Variants in SLC22A5 observed in about 807,000 individuals in gnomAD.
The protein encoded by SLC22A5 is organic cation/carnitine transporter 2.
SLC22A5 carries 44 observed loss-of-function variants against 56.7 expected under a neutral mutation model. That is an observed-to-expected ratio of 0.78 (90% CI 0.61 to 1.00). The LOEUF (loss-of-function observed/expected upper bound fraction) is 1.00. SLC22A5 is among the 50% of genes least tolerant of loss of function. SLC22A5 has a pLI of 0.00. For synonymous variants in SLC22A5, 278 were observed against 292.1 expected (o/e 0.95, Z 0.49); for missense variants, 675 against 723.0 (o/e 0.93, Z 0.76).
At position 132,385,459 on chromosome 5, in the gene SLC22A5, G is replaced by A; in HGVS notation, c.784G>A (p.Ala262Thr). The change falls in exon 4 of 10, where the codon GCG (alanine) becomes ACG (threonine). Residue 262 changes from alanine (A) to threonine (T), a missense_variant. Coordinates refer to ENST00000245407, the MANE Select transcript of SLC22A5 (RefSeq NM_003060.4). ...FIRDWRMLLVALTMPGVLCVA... is the reference protein window; with the variant it reads ...FIRDWRMLLVTLTMPGVLCVA... ...CCGAGACTGGCGGATGCTGCTGGTG[G>A]CGCTGACGATGCCGGGGGTGCTATG... 2 of 1,614,178 alleles carry A rather than the reference G, an allele frequency of 1.2e-6. No individual in the cohort carries two copies. The highest frequency in any genetic ancestry group is 1.7e-6 in the Non-Finnish European group (2 of 1,180,030).
intron 1 of SLC22A5, chr5:132,377,195 C>T (rs979471872): frequency 6.6e-6 from 1 of 152,322 alleles, no homozygotes; most frequent in African/African-American, 2.4e-5. Context: ...GAGAGGTGCC[C>T]GGAGGCTGTG....
chr5:132,386,391 C>T (rs1333749857), intron 4 of SLC22A5, among the ~76,000 whole-genome samples: 1 of 152,048 alleles, frequency 6.6e-6, no homozygotes, highest in East Asian at 1.9e-4. Flanking sequence ...CCACACTTGG[C>T]TAATTTTTTT....
At position 132,390,563 on chromosome 5, in the gene SLC22A5, T is replaced by G. The variant is rs535912319; in HGVS notation, c.1053-127T>G. ...AAGTAAGACGCAGGGTTACAGTTAC[T>G]GCTGCCTTACTAGTCTCTGCTTAAA... is the stretch of plus-strand genomic sequence containing the variant. On this transcript the variant is annotated intron_variant, in intron 6 of 9. Transcript: ENST00000245407. 2.0e-4 allele frequency: 155 copies of G among 768,236 alleles called. 5 individuals carry two copies. The South Asian group carries it at 2.1e-3, about 10-fold the overall frequency. 47.6% of individuals were successfully genotyped at this position (768,236 alleles called of 1,614,324 possible).
chr5:132,387,212 A>C (rs1752563493), intron 5 of SLC22A5, 61 bp downstream of exon 5: 1 of 1,606,294 alleles, frequency 6.2e-7, no homozygotes, highest in South Asian at 1.1e-5. Flanking sequence ...GAGCAGCAGC[A>C]CCCAGCCCTG....
Position 132,393,947 on chromosome 5 carries a change from A to G in SLC22A5, c.1586+136A>G, listed in dbSNP as rs562051092. 4.6e-4 allele frequency: 506 copies of G among 1,093,002 alleles called. 6 individuals are homozygous for G. The South Asian group carries it at 6.2e-3, about 13-fold the overall frequency. 67.7% of individuals were successfully genotyped at this position (1,093,002 alleles called of 1,614,324 possible). A position where few individuals can be genotyped will look rare whatever the true frequency, so the allele number is the denominator to read the frequency against. ...ACTAGTTTAGCCATTAAAGGGTTGT[A>G]AATGGCAAGGTGCTTACTTATAGCC... is the stretch of plus-strand genomic sequence containing the variant. On this transcript the variant is annotated intron_variant, in intron 9 of 9. Transcript: ENST00000245407.
chr5:132,386,464 C>G (rs1202621725), intron 4 of SLC22A5, among the ~76,000 whole-genome samples: 1 of 152,130 alleles, frequency 6.6e-6, no homozygotes, highest in Admixed American at 6.5e-5. Flanking sequence ...CTCCTAGCCT[C>G]AAATGATCCA....
chr5:132,382,501 A>G (rs915357842), intron 2 of SLC22A5: 8 of 152,156 alleles, frequency 5.3e-5, no homozygotes, highest in African/African-American at 1.9e-4. Flanking sequence ...TATAGGATTA[A>G]TGTTGGTCTT....
At chr5:132,381,970 G>A (rs1752361973) in intron 2 of SLC22A5, 1 of 152,176 alleles carries the variant, frequency 6.6e-6, no homozygotes, top group Middle Eastern at 3.4e-3. Flanking sequence ...TTGGCATATA[G>A]AACATGCTTG....
intron 1 of SLC22A5, among the ~76,000 whole-genome samples, chr5:132,375,404 G>A (rs1163092039): frequency 6.6e-6 from 1 of 152,222 alleles, no homozygotes; most frequent in South Asian, 2.1e-4. Flanking sequence ...GTACCTAGCA[G>A]CATGTCTGAC....
At chr5:132,378,185 G>C (rs770872734) in intron 1 of SLC22A5, 193 bp from the exon 2 acceptor site, 16 of 1,599,884 alleles carry the variant, frequency 1.0e-5, no homozygotes, top group Non-Finnish European at 1.4e-5. Flanking sequence ...GGCCTACAAT[G>C]CTATGAAAAA....
At chr5:132,387,988 T>C (rs1226402839) in intron 5 of SLC22A5, 1 of 152,958 alleles carries the variant, frequency 6.5e-6, no homozygotes, top group East Asian at 1.9e-4. Flanking sequence ...GAGGCAGGCA[T>C]GGTTGGGCTT....
At chr5:132,387,230 C>T in intron 5 of SLC22A5, 79 bp downstream of exon 5, 1 of 1,558,722 alleles carries the variant, frequency 6.4e-7, no homozygotes, top group Non-Finnish European at 8.8e-7. Context: ...CTGAAGTCCT[C>T]CCTGCTCACA....
At chr5:132,392,868 C>T (rs111384705) in intron 8 of SLC22A5, among the ~76,000 whole-genome samples, 2 of 152,256 alleles carry the variant, frequency 1.3e-5, no homozygotes, top group African/African-American at 4.8e-5. Context: ...TTTAGCCATC[C>T]CAGGCCTTCC....
chr5:132,394,747 G>A lies in SLC22A5; in HGVS notation c.*475G>A, dbSNP rs1479057618. The A allele has an allele frequency of 5.6e-6, 1 of 178,828 alleles. No individual in the cohort carries two copies. The highest frequency in any genetic ancestry group is 1.2e-5 in the Non-Finnish European group (1 of 83,750). 11.1% of individuals were successfully genotyped at this position (178,828 alleles called of 1,614,324 possible). On this transcript the variant is annotated 3_prime_UTR_variant, in exon 10 of 10. Coordinates refer to ENST00000245407, the MANE Select transcript of SLC22A5 (RefSeq NM_003060.4). ...GGAGTTTGATTCTTACCTTTTCTCA[G>A]TTACAGAGGACATTAACTGGATCAT...
intron 7 of SLC22A5, among the ~76,000 whole-genome samples, 165 bp from the exon 8 acceptor site, chr5:132,392,268 A>G (rs1209734779): frequency 1.3e-5 from 2 of 152,218 alleles, no homozygotes; most frequent in East Asian, 3.8e-4. Context: ...CCTTTCAGCA[A>G]TCAATTTGGA....
At chr5:132,388,454 T>C (rs1379585035) in intron 5 of SLC22A5, among the ~76,000 whole-genome samples, 1 of 152,178 alleles carries the variant, frequency 6.6e-6, no homozygotes, top group Non-Finnish European at 1.5e-5. Flanking sequence ...GAATTCTTTT[T>C]CCCTGGAAGC....
chr5:132,393,915 A>G (rs1265464503), intron 9 of SLC22A5, 104 bp downstream of exon 9: 8 of 1,332,962 alleles, frequency 6.0e-6, no homozygotes, highest in Non-Finnish European at 8.6e-6. Flanking sequence ...TCTCACAGAC[A>G]CCATGGACTA....
In SLC22A5 at chr5:132,384,224, A is replaced by G. The variant is rs1189776349; in HGVS notation, c.575A>G (p.Asn192Ser). The G allele has an allele frequency of 1.2e-6, 2 of 1,614,180 alleles. No homozygotes were observed. The highest frequency in any genetic ancestry group is 1.7e-6 in the Non-Finnish European group (2 of 1,179,996). The change falls in exon 3 of 10, where the codon AAT becomes AGT. Residue 192 changes from asparagine to serine, a missense_variant. Coordinates refer to ENST00000245407, the MANE Select transcript of SLC22A5 (RefSeq NM_003060.4). ...GFSFLQIFSK[N>S]FEMFVVLFVL... is the part of the protein sequence containing the mutation. ...AGCTTCCTGCAGATCTTCTCGAAGA[A>G]TTTTGAGATGTTTGTCGTGCTGTTT...
intron 9 of SLC22A5, 32 bp from the exon 10 acceptor site, chr5:132,394,153 T>A: frequency 7.2e-7 from 1 of 1,389,130 alleles, no homozygotes; most frequent in Non-Finnish European, 1.0e-6. Flanking sequence ...TTTTAAAATG[T>A]GTTACTGACA....
Sources: gnomAD v4.1 joint callset for allele counts (sites outside exome capture counted in the v4.1 genomes callset) on GRCh38, gnomAD v4.1.1 for gene constraint, MANE v1.5 for transcripts, NCBI Gene and HGNC (gene_info 2026-07-23, HGNC 2026-07-21) for gene names.